The following NR6A1 variants were observed in gnomAD, a reference collection of about 807,000 sequenced individuals.
The protein encoded by NR6A1 is nuclear receptor subfamily 6 group A member 1.
NR6A1 carries 7 observed loss-of-function variants against 59.1 expected under a neutral mutation model. The observed-to-expected ratio is 0.12, with a 90% CI of 0.07 to 0.22. NR6A1 has a LOEUF of 0.22. NR6A1 is among the 10% of genes least tolerant of loss of function. The pLI is 1.00. For synonymous variants in NR6A1, 243 were observed against 236.1 expected (o/e 1.03, Z -0.27); for missense variants, 468 against 611.6 (o/e 0.77, Z 2.48).
At chr9:124,673,831 A>C (rs929836196) in intron 2 of NR6A1, among the ~76,000 whole-genome samples, 6 of 152,208 alleles carry the variant, frequency 3.9e-5, no homozygotes, top group African/African-American at 1.4e-4. Flanking sequence ...GGCAATAATT[A>C]ATCAACAAAT....
intron 2 of NR6A1, among the ~76,000 whole-genome samples, chr9:124,692,872 A>G (rs1838606971): frequency 6.6e-6 from 1 of 152,214 alleles, no homozygotes; most frequent in Non-Finnish European, 1.5e-5. Flanking sequence ...GTTTTGGAAT[A>G]AAATCCAGTT....
chr9:124,530,877 C>G (rs1306446758), intron 7 of NR6A1, among the ~76,000 whole-genome samples: 2 of 152,238 alleles, frequency 1.3e-5, no homozygotes, highest in African/African-American at 2.4e-5. Context: ...TGGAGCACAA[C>G]AGATACAGGT....
In NR6A1 at chr9:124,533,257, A is replaced by G. The variant is rs534853712; in HGVS notation, c.1079+2621T>C. ...GGCTGACTGCTATCCAAACACCCCTATGGAGCAGAGTTATGGAGCAGGAGA... is the reference window on the plus strand; with the variant it reads ...GGCTGACTGCTATCCAAACACCCCTGTGGAGCAGAGTTATGGAGCAGGAGA... On this transcript the variant is annotated intron_variant, in intron 7 of 9. Transcript: ENST00000487099. 1.1e-4 allele frequency among the ~76,000 whole-genome samples: 16 copies of G among 152,304 alleles called. No homozygotes were observed. In the South Asian group the frequency reaches 3.3e-3, roughly 32 times the overall value.
At chr9:124,637,271 AGAGTTT>A (rs1389007709) in intron 2 of NR6A1, among the ~76,000 whole-genome samples, 2 of 152,204 alleles carry the variant, frequency 1.3e-5, no homozygotes, top group African/African-American at 4.8e-5. Context: ...GTGTGTAGCT[AGAGTTT>A]AAGTACATGA....
intron 2 of NR6A1, among the ~76,000 whole-genome samples, chr9:124,589,829 G>A (rs1056370218): frequency 2.6e-5 from 4 of 152,034 alleles, no homozygotes; most frequent in African/African-American, 9.7e-5. Flanking sequence ...CACTTTGGGA[G>A]GCCAAGGCAG....
intron 2 of NR6A1, among the ~76,000 whole-genome samples, chr9:124,569,203 G>C (rs968729805): frequency 2.0e-5 from 3 of 152,152 alleles, no homozygotes; most frequent in Non-Finnish European, 4.4e-5. Context: ...CAAAATCTGT[G>C]AAACAGAGAA....
intron 3 of NR6A1, among the ~76,000 whole-genome samples, chr9:124,552,419 GCA>G (rs1414066214): frequency 2.0e-5 from 3 of 152,280 alleles, no homozygotes; most frequent in East Asian, 1.9e-4. Context: ...CATCCCTGAG[GCA>G]CAGTGTTCAG....
intron 2 of NR6A1, among the ~76,000 whole-genome samples, chr9:124,589,595 C>T (rs1347188583): frequency 2.6e-5 from 4 of 152,250 alleles, no homozygotes; most frequent in African/African-American, 9.6e-5. Flanking sequence ...TTGCATTGCT[C>T]TTCTTTCCAC....
rs138185142 is a variant in NR6A1, at chr9:124,651,995, C to T, written c.142+81313G>A. ...GGAGAAGAAAACGATGTCCAAGTAA[C>T]GGCAGAATAAAGGAAAAAAACAAAC... On this transcript the variant is annotated intron_variant, in intron 2 of 9. Coordinates refer to ENST00000487099, the MANE Select transcript of NR6A1 (RefSeq NM_033334.4). 5.9e-5 allele frequency among the ~76,000 whole-genome samples: 9 copies of T among 152,036 alleles called. No homozygotes were observed. In the East Asian group the frequency reaches 7.7e-4, roughly 13 times the overall value.
intron 2 of NR6A1, among the ~76,000 whole-genome samples, chr9:124,694,566 T>G (rs1054637421): frequency 9.9e-5 from 15 of 152,206 alleles, no homozygotes; most frequent in Admixed American, 2.6e-4. Flanking sequence ...AGATAGAAGA[T>G]GTACATTTTT....
At chr9:124,545,997 C>T (rs1356524286) in intron 3 of NR6A1, among the ~76,000 whole-genome samples, 1 of 152,162 alleles carries the variant, frequency 6.6e-6, no homozygotes, top group Non-Finnish European at 1.5e-5. Flanking sequence ...TGCCTGTAAT[C>T]CCAGCTACTC....
chr9:124,744,324 G>T (rs1355921171), intron 1 of NR6A1, among the ~76,000 whole-genome samples: 4 of 152,138 alleles, frequency 2.6e-5, no homozygotes, highest in Non-Finnish European at 1.5e-5. Context: ...TCTGTCAGTT[G>T]CCATTTATTG....
At chr9:124,610,884 T>C (rs957210483) in intron 2 of NR6A1, among the ~76,000 whole-genome samples, 16 of 152,172 alleles carry the variant, frequency 1.1e-4, no homozygotes, top group Non-Finnish European at 2.1e-4. Context: ...TTTACTTGCA[T>C]AGAGGTGTTT....
intron 2 of NR6A1, among the ~76,000 whole-genome samples, chr9:124,711,532 TA>T (rs1180676093): frequency 1.2e-4 from 19 of 152,260 alleles, no homozygotes; most frequent in African/African-American, 4.1e-4. Context: ...GAGGAGCCAT[TA>T]ATGCCTCTCC....
intron 2 of NR6A1, among the ~76,000 whole-genome samples, chr9:124,585,558 A>AAG (rs1491113676): frequency 1.4e-4 from 4 of 27,622 alleles, no homozygotes; most frequent in East Asian, 1.2e-3. Context: ...AAAAAAAAAA[A>AAG]GGGGGGGGGG....
At chr9:124,770,714 G>A (rs1432882969) in intron 1 of NR6A1, among the ~76,000 whole-genome samples, 2 of 119,610 alleles carry the variant, frequency 1.7e-5, no homozygotes, top group East Asian at 3.2e-4. Flanking sequence ...GGGGACGGGG[G>A]GAGGGGAAGC....
At chr9:124,665,896 A>G (rs936588346) in intron 2 of NR6A1, among the ~76,000 whole-genome samples, 59 of 152,150 alleles carry the variant, frequency 3.9e-4, no homozygotes, top group African/African-American at 1.4e-3. Flanking sequence ...ATTGGAATTT[A>G]CTCTTTGTTG....
intron 6 of NR6A1, among the ~76,000 whole-genome samples, chr9:124,536,416 T>C (rs917752697): frequency 1.6e-4 from 25 of 152,134 alleles, no homozygotes; most frequent in Non-Finnish European, 2.1e-4. Context: ...GGCTCATGAC[T>C]GTAATCCCAG....
At chr9:124,600,840 G>A (rs1436883262) in intron 2 of NR6A1, among the ~76,000 whole-genome samples, 1 of 151,940 alleles carries the variant, frequency 6.6e-6, no homozygotes, top group Non-Finnish European at 1.5e-5. Context: ...AGGCAGACAA[G>A]TAGGAAAGGT....
Sources: allele counts gnomAD v4.1 joint callset (sites outside exome capture counted in the v4.1 genomes callset), GRCh38; gene constraint gnomAD v4.1.1; transcripts MANE v1.5; gene names NCBI Gene and HGNC (gene_info 2026-07-23, HGNC 2026-07-21).